PVT1: variants seen among roughly 807,000 people sequenced by gnomAD.
PVT1 encodes CXCR4/PVT1 fusion.
At chr8:127,816,966 A>G (rs1403764007) in intron 2 of PVT1, among the ~76,000 whole-genome samples, 3 of 152,106 alleles carry the variant, frequency 2.0e-5, no homozygotes, top group African/African-American at 7.2e-5. Context: ...ACCACAGTTG[A>G]TTGATCTGTT....
At chr8:127,904,389 C>T (rs568910168) in intron 3 of PVT1, among the ~76,000 whole-genome samples, 3 of 152,352 alleles carry the variant, frequency 2.0e-5, no homozygotes, top group South Asian at 4.1e-4. Context: ...CTGCCCCTGG[C>T]CCTGCTGTGC....
intron 3 of PVT1, among the ~76,000 whole-genome samples, chr8:127,923,412 AG>A (rs1311852845): frequency 6.6e-6 from 1 of 152,218 alleles, no homozygotes; most frequent in Non-Finnish European, 1.5e-5. Flanking sequence ...TCTTTGATGA[AG>A]CGTTCAGGTT....
At chr8:127,882,487 C>CTT (rs535638165) in intron 2 of PVT1, among the ~76,000 whole-genome samples, 4 of 145,248 alleles carry the variant, frequency 2.8e-5, no homozygotes. Context: ...TTGAAGAAAT[C>CTT]TTTTTTTTTT....
rs568554608 is a variant in PVT1 at position 127,916,929 on chromosome 8, G to A, written n.782+25931G>A. Among the ~76,000 whole-genome samples, 57 of 152,272 alleles carry A rather than the reference G, an allele frequency of 3.7e-4. 1 individual carries two copies. In the South Asian group the frequency reaches 0.012, roughly 31 times the overall value. On this transcript the variant is annotated intron_variant and non_coding_transcript_variant, in intron 3 of 10. Transcript: ENST00000651587. ...ATCGTTTCGGTTCTGATAGCAGGAT[G>A]GATTGTTATGTATCCTTTCTGATGG...
At chr8:127,907,226 C>A (rs1410187657) in intron 3 of PVT1, among the ~76,000 whole-genome samples, 3 of 152,168 alleles carry the variant, frequency 2.0e-5, no homozygotes, top group Admixed American at 2.0e-4. Flanking sequence ...GCCTCGGCCT[C>A]CCAAAGTGCT....
intron 4 of PVT1, among the ~76,000 whole-genome samples, chr8:128,015,339 C>G (rs1042917678): frequency 6.6e-6 from 1 of 152,092 alleles, no homozygotes; most frequent in Non-Finnish European, 1.5e-5. Flanking sequence ...ATCTGCCCAT[C>G]TCGGCCTCCC....
At chr8:127,973,067 A>G (rs1157348168) in intron 3 of PVT1, among the ~76,000 whole-genome samples, 1 of 152,114 alleles carries the variant, frequency 6.6e-6, no homozygotes, top group Admixed American at 6.5e-5. Context: ...AAGTTTTTAT[A>G]TATGTATATA....
At chr8:127,837,389 G>T (rs968609443) in intron 2 of PVT1, among the ~76,000 whole-genome samples, 64 of 97,286 alleles carry the variant, frequency 6.6e-4, no homozygotes, top group African/African-American at 2.4e-3. Flanking sequence ...AGCGTTTTTT[G>T]TTGTTGTTTT....
intron 2 of PVT1, among the ~76,000 whole-genome samples, chr8:127,830,820 T>C (rs1013362603): frequency 6.6e-6 from 1 of 152,038 alleles, no homozygotes; most frequent in East Asian, 1.9e-4. Context: ...TGCCAGTGAA[T>C]ATAAAGCAGG....
intron 2 of PVT1, among the ~76,000 whole-genome samples, chr8:127,834,994 G>T (rs913947461): frequency 1.3e-5 from 2 of 152,180 alleles, no homozygotes; most frequent in African/African-American, 4.8e-5. Context: ...TTACACTGTT[G>T]GTGGGAATGT....
chr8:127,962,795 C>A (rs1816660388), intron 3 of PVT1, among the ~76,000 whole-genome samples: 2 of 152,012 alleles, frequency 1.3e-5, no homozygotes. Flanking sequence ...CGGGGTTTCA[C>A]CGTGTTGGCC....
chr8:127,868,436 G>T (rs1260491535), intron 2 of PVT1, among the ~76,000 whole-genome samples: 1 of 152,018 alleles, frequency 6.6e-6, no homozygotes, highest in Non-Finnish European at 1.5e-5. Context: ...TGCCCAGGTT[G>T]GAGTACAATG....
chr8:128,074,471 C>T (rs556098377), intron 5 of PVT1, among the ~76,000 whole-genome samples: 36 of 149,814 alleles, frequency 2.4e-4, no homozygotes, highest in Non-Finnish European at 4.1e-4. Flanking sequence ...TGCAGTGAGC[C>T]GAGATCATGC....
intron 4 of PVT1, among the ~76,000 whole-genome samples, chr8:128,034,478 G>A (rs145049997): frequency 6.6e-6 from 1 of 152,192 alleles, no homozygotes; most frequent in East Asian, 1.9e-4. Context: ...TTACTGTGCT[G>A]TTCTAGCTCA....
At position 127,812,414 on chromosome 8, in the gene PVT1, T is replaced by A. The variant is rs576422497; in HGVS notation, n.372+16343T>A. On this transcript the variant is annotated intron_variant and non_coding_transcript_variant, in intron 2 of 10. Transcript: ENST00000651587. ...TGAGACTTCATCTCTACAAAACAAA[T>A]TTTTTTTTAATTAGCCAGTGGCATG... Among the ~76,000 whole-genome samples, 19 of 151,300 alleles carry A rather than the reference T, an allele frequency of 1.3e-4. No individual in the cohort carries two copies. The East Asian group carries it at 3.5e-3, about 28-fold the overall frequency.
chr8:127,941,397 TTTGA>T (rs1816347791), intron 3 of PVT1, among the ~76,000 whole-genome samples: 1 of 152,192 alleles, frequency 6.6e-6, no homozygotes, highest in African/African-American at 2.4e-5. Context: ...TGGGCATCTC[TTTGA>T]TTGGAATGAG....
At position 128,085,807 on chromosome 8, in the gene PVT1, G is replaced by A. The variant is rs12680627; in HGVS notation, n.1115-10711G>A. On this transcript the variant is annotated intron_variant and non_coding_transcript_variant, in intron 5 of 10. Transcript: ENST00000651587. The stretch of plus-strand genomic sequence containing the variant: ...TATGTCTTAGCATCTTTGATTTAAA[G>A]ACTGATTAACATAAGCACCTAGCTA... Among the ~76,000 whole-genome samples, 66 of 152,284 alleles carry A rather than the reference G, an allele frequency of 4.3e-4. No homozygotes were observed. The East Asian group carries it at 0.011, about 25-fold the overall frequency.
At chr8:127,914,315 A>AGTG (rs966697281) in intron 3 of PVT1, among the ~76,000 whole-genome samples, 5 of 146,976 alleles carry the variant, frequency 3.4e-5, no homozygotes, top group African/African-American at 1.0e-4. Context: ...GAAAATAGCA[A>AGTG]GTGTTGGTGA....
intron 4 of PVT1, among the ~76,000 whole-genome samples, chr8:128,061,428 G>C (rs972875496): frequency 6.6e-6 from 1 of 152,110 alleles, no homozygotes; most frequent in South Asian, 2.1e-4. Context: ...GTTTCTTTGG[G>C]GGTGGGGCTG....
Sources: allele counts gnomAD v4.1 joint callset (sites outside exome capture counted in the v4.1 genomes callset), GRCh38; gene constraint gnomAD v4.1.1; transcripts MANE v1.5; gene names NCBI Gene and HGNC (gene_info 2026-07-23, HGNC 2026-07-21).